ALS2CL: variants seen among roughly 807,000 people sequenced by gnomAD.
The protein encoded by ALS2CL is ALS2 C-terminal-like protein.
In ALS2CL, 112 loss-of-function variants were observed where a neutral mutation model predicts 127.9. That is an observed-to-expected ratio of 0.88 (90% CI 0.75 to 1.02). The LOEUF is 1.02. Ranked by LOEUF, ALS2CL falls within the 50% of genes least tolerant of loss-of-function variation. ALS2CL has a pLI of 0.00. For synonymous variants in ALS2CL, 519 were observed against 527.6 expected, an observed-to-expected ratio of 0.98 and a Z score of 0.22; for missense variants, 1,174 against 1,236.7, an observed-to-expected ratio of 0.95 and a Z score of 0.76.
intron 14 of ALS2CL, chr3:46,679,790 G>A (rs865820835): frequency 6.5e-6 from 1 of 154,878 alleles, no homozygotes; most frequent in South Asian, 2.0e-4. Context: ...TTTCGAGAAT[G>A]AAGTAGAGCA....
chr3:46,676,331 G>A lies in ALS2CL; in HGVS notation c.2100C>T (p.Tyr700=), dbSNP rs777723802. The A allele has an allele frequency of 5.6e-5, 91 of 1,613,766 alleles. No homozygotes were observed. Among genetic ancestry groups the A allele is most frequent in the Non-Finnish European group, 6.9e-5 (82 of 1,179,994 alleles). ...RTLMLTFQAT[Y]AGVGANKHLQ... is the part of the protein sequence containing the mutation. ...GGTGCTTGTTGGCCCCGACACCTGC[G>A]TAGGTAGCCTGGAAGGTCAGCATCA... The change falls in exon 19 of 26, where the codon TAC becomes TAT. Residue 700 remains tyrosine, a synonymous_variant. Coordinates refer to ENST00000318962, the MANE Select transcript of ALS2CL (RefSeq NM_147129.5).
chr3:46,672,815 T>C (rs1285209500), intron 22 of ALS2CL, among the ~76,000 whole-genome samples: 1 of 151,998 alleles, frequency 6.6e-6, no homozygotes, highest in East Asian at 1.9e-4. Flanking sequence ...GCCAACATGG[T>C]GAAATCCTGT....
In ALS2CL at chr3:46,670,847, A is replaced by C. The variant is rs888462966; in HGVS notation, c.*137T>G. The stretch of plus-strand genomic sequence containing the variant: ...TCATCCCAGTCAGGGCAGCAGCAGC[A>C]TCTTCCTGTGCAAAACAAAATGCTC... On this transcript the variant is annotated 3_prime_UTR_variant, in exon 26 of 26. Coordinates refer to ENST00000318962, the MANE Select transcript of ALS2CL (RefSeq NM_147129.5). The surrounding 1 kb of genome is among the most constrained non-coding windows in gnomAD (Gnocchi z 5.5). The C allele has an allele frequency of 1.1e-6, 1 of 879,692 alleles. No homozygotes were observed. The highest frequency in any genetic ancestry group is 1.6e-5 in the African/African-American group (1 of 60,652). The allele number at this position is 879,692 out of a possible 1,614,324, so 54.5% of individuals were successfully genotyped here. A position where few individuals can be genotyped will look rare whatever the true frequency, so the allele number is the denominator to read the frequency against.
At position 46,684,160 on chromosome 3, in the gene ALS2CL, C is replaced by A; in HGVS notation, c.787-113G>T. 2.4e-6 allele frequency: 3 copies of A among 1,228,690 alleles called. No homozygotes were observed. The South Asian group carries it at 3.9e-5, about 16-fold the overall frequency. 76.1% of individuals were successfully genotyped at this position (1,228,690 alleles called of 1,614,324 possible). A position where few individuals can be genotyped will look rare whatever the true frequency, so the allele number is the denominator to read the frequency against. ...TGTGTGGCCACCAAGGCTATTCTGC[C>A]CAGCATGTCCAGGACTGAGTCCCTC... On this transcript the variant is annotated intron_variant, in intron 7 of 25. Coordinates refer to ENST00000318962, the MANE Select transcript of ALS2CL (RefSeq NM_147129.5).
rs374844752 is a variant in ALS2CL, at chr3:46,687,022, G to T, written c.495C>A (p.Tyr165Ter). 1.2e-6 allele frequency: 2 copies of T among 1,605,340 alleles called. No homozygotes were observed. Among genetic ancestry groups the T allele is most frequent in the Non-Finnish European group, 1.7e-6 (2 of 1,179,162 alleles). ...CCCCGAGGCTCAGCAGGAGGAGCAC[G>T]TACTGTTGCACGTGATGGGCGAGTG... is the stretch of plus-strand genomic sequence containing the variant. The part of the protein sequence containing the change: ...HQPLAHHVQQ[Y>*]VLLLLSLGDT... Residue 165 changes from tyrosine (Y) to a stop codon, truncating the protein, a stop_gained, in exon 5 of 26, where the codon TAC (tyrosine) becomes TAA (stop). Coordinates refer to ENST00000318962, the MANE Select transcript of ALS2CL (RefSeq NM_147129.5). LOFTEE classifies it high-confidence loss of function.
At chr3:46,680,394 C>T in intron 14 of ALS2CL, 36 bp downstream of exon 14, 4 of 1,590,804 alleles carry the variant, frequency 2.5e-6, no homozygotes, top group Non-Finnish European at 2.6e-6. Flanking sequence ...GAGTGGGGTG[C>T]AAAGAGAGGG....
intron 1 of ALS2CL, among the ~76,000 whole-genome samples, chr3:46,690,836 C>T (rs1700107080): frequency 1.3e-5 from 2 of 152,332 alleles, no homozygotes; most frequent in Admixed American, 1.3e-4. Context: ...CCACCCTGCC[C>T]CGAGAGTGCC....
At position 46,670,906 on chromosome 3, in the gene ALS2CL, C is replaced by A. The variant is rs2106676301; in HGVS notation, c.*78G>T. On this transcript the variant is annotated 3_prime_UTR_variant, in exon 26 of 26. Transcript: ENST00000318962. The surrounding 1 kb of genome is among the most constrained non-coding windows in gnomAD (Gnocchi z 5.5). ...CAAGAGCTGCTTCTGAGGGCCTGTC[C>A]TGCCCCTTGCCTTGGGTAATGAGGG... 1 of 1,456,692 alleles carries A rather than the reference C, an allele frequency of 6.9e-7. No individual in the cohort carries two copies. 90.2% of individuals were successfully genotyped at this position (1,456,692 alleles called of 1,614,324 possible).
intron 1 of ALS2CL, among the ~76,000 whole-genome samples, chr3:46,692,254 G>T (rs1393400919): frequency 6.6e-6 from 1 of 152,146 alleles, no homozygotes; most frequent in Non-Finnish European, 1.5e-5. Context: ...TAAGTGCAGG[G>T]GTGAGGCAGC....
At position 46,684,132 on chromosome 3, in the gene ALS2CL, C is replaced by G. The variant is rs1032895686; in HGVS notation, c.787-85G>C. The G allele has an allele frequency of 5.8e-5, 84 of 1,452,482 alleles. No individual in the cohort carries two copies. In the East Asian group the frequency reaches 2.1e-3, roughly 36 times the overall value. The allele number at this position is 1,452,482 out of a possible 1,614,324, so 90.0% of individuals were successfully genotyped here. A position where few individuals can be genotyped will look rare whatever the true frequency, so the allele number is the denominator to read the frequency against. Reference sequence around the variant, plus strand: ...TGGCCAAGGCTTGCCCCAAGCTCAACCTTGTGTGGCCACCAAGGCTATTCT... The same window carrying G: ...TGGCCAAGGCTTGCCCCAAGCTCAAGCTTGTGTGGCCACCAAGGCTATTCT... On this transcript the variant is annotated intron_variant, in intron 7 of 25. Transcript: ENST00000318962.
chr3:46,676,838 G>T lies in ALS2CL; in HGVS notation c.1931+11C>A. 1 of 1,409,172 alleles carries T rather than the reference G, an allele frequency of 7.1e-7. No homozygotes were observed. The highest frequency in any genetic ancestry group is 3.7e-5 in the East Asian group (1 of 27,046). 87.3% of individuals were successfully genotyped at this position (1,409,172 alleles called of 1,614,324 possible). A position where few individuals can be genotyped will look rare whatever the true frequency, so the allele number is the denominator to read the frequency against. ...ACCCTAACCTGTGCATGCTCACACAGCCGGCCTCACCTCTCGCAGGACAGG... is the reference window on the plus strand; with the variant it reads ...ACCCTAACCTGTGCATGCTCACACATCCGGCCTCACCTCTCGCAGGACAGG... On this transcript the variant is annotated intron_variant, in intron 17 of 25. Coordinates refer to ENST00000318962, the MANE Select transcript of ALS2CL (RefSeq NM_147129.5).
rs774141282 is a variant in ALS2CL at position 46,671,966 on chromosome 3, C to G, written c.2602G>C (p.Val868Leu). Residue 868 changes from valine to leucine, a missense_variant, in exon 24 of 26, where the codon GTG (valine) becomes CTG (leucine). Coordinates refer to ENST00000318962, the MANE Select transcript of ALS2CL (RefSeq NM_147129.5). ...TACTCCCGGCCCAATACCCTCGACA[C>G]CGTGCCCTCAATTTCCCCGTATGTC... Reference protein sequence around the residue: ...ERTYGEIEGTVSRVLGREYKL... With the variant: ...ERTYGEIEGTLSRVLGREYKL... 1 of 1,613,924 alleles carries G rather than the reference C, an allele frequency of 6.2e-7. No individual in the cohort carries two copies. Among genetic ancestry groups the G allele is most frequent in the Admixed American group, 1.7e-5 (1 of 60,006 alleles).
chr3:46,682,840 G>C (rs1699459171), intron 10 of ALS2CL, among the ~76,000 whole-genome samples: 1 of 152,236 alleles, frequency 6.6e-6, no homozygotes, highest in South Asian at 2.1e-4. Flanking sequence ...ACAGATGTGA[G>C]AATTATTCTC....
Position 46,678,309 on chromosome 3 carries a change from A to T in ALS2CL, c.1707T>A (p.Gly569=). 6.2e-7 allele frequency: 1 copy of T among 1,611,166 alleles called. No individual in the cohort carries two copies. The highest frequency in any genetic ancestry group is 8.5e-7 in the Non-Finnish European group (1 of 1,178,084). The change falls in exon 16 of 26, where the codon GGT becomes GGA. Residue 569 remains glycine (G), a synonymous_variant. Coordinates refer to ENST00000318962, the MANE Select transcript of ALS2CL (RefSeq NM_147129.5). ...GTGGGAGGGCAGCCGTGTCCAGCAC[A>T]CCCTGTGTGTGCAGTCCTCTCCCTG... ...SGAGRGLHTQ[G]VLDTAALPPD...
At chr3:46,683,685 G>A (rs1699542255) in intron 9 of ALS2CL, 97 bp downstream of exon 9, 2 of 1,460,278 alleles carry the variant, frequency 1.4e-6, no homozygotes, top group Non-Finnish European at 1.9e-6. Flanking sequence ...ACACTCGCCG[G>A]CACTCCTGTG....
chr3:46,671,132 G>C (rs1423197700), intron 25 of ALS2CL, 68 bp from the exon 26 acceptor site: 16 of 1,497,614 alleles, frequency 1.1e-5, no homozygotes, highest in Admixed American at 1.7e-5. Flanking sequence ...ACAGGATCTA[G>C]GGCTCAATAG....
Position 46,670,843 on chromosome 3 carries a change from C to T in ALS2CL, c.*141G>A. 2.4e-6 allele frequency: 2 copies of T among 842,394 alleles called. No individual in the cohort carries two copies. The highest frequency in any genetic ancestry group is 3.8e-6 in the Non-Finnish European group (2 of 521,700). The allele number at this position is 842,394 out of a possible 1,614,324, so 52.2% of individuals were successfully genotyped here. ...ACCCTCATCCCAGTCAGGGCAGCAGCAGCATCTTCCTGTGCAAAACAAAAT... is the reference window on the plus strand; with the variant it reads ...ACCCTCATCCCAGTCAGGGCAGCAGTAGCATCTTCCTGTGCAAAACAAAAT... On this transcript the variant is annotated 3_prime_UTR_variant, in exon 26 of 26. Transcript: ENST00000318962. This position sits in a 1 kb window ranked among gnomAD's most constrained non-coding sequence, Gnocchi z 5.5.
rs891486367 is a variant in ALS2CL at position 46,683,178 on chromosome 3, C to T, written c.1061G>A (p.Cys354Tyr). ...EYTFQAEGRL[C>Y]QATYEGEWCR... ...CCACTCGCCCTCGTAGGTGGCCTGG[C>T]AGAGCCGGCCCTCTGCCTGGAAGGT... The change falls in exon 10 of 26, where the codon TGC becomes TAC. Residue 354 changes from cysteine (C) to tyrosine (Y), a missense_variant. Transcript: ENST00000318962. The T allele has an allele frequency of 1.2e-6, 2 of 1,603,888 alleles. No individual in the cohort carries two copies. The highest frequency in any genetic ancestry group is 1.7e-4 in the Middle Eastern group (1 of 5,846).
chr3:46,678,381 G>T lies in ALS2CL; in HGVS notation c.1635C>A (p.Val545=), dbSNP rs766096985. 4.3e-6 allele frequency: 7 copies of T among 1,611,994 alleles called. No individual in the cohort carries two copies. Among genetic ancestry groups the T allele is most frequent in the Non-Finnish European group, 1.7e-6 (2 of 1,178,798 alleles). The change falls in exon 16 of 26, where the codon GTC becomes GTA. Residue 545 remains valine, a synonymous_variant. Transcript: ENST00000318962. ...RDLTLMGKGK[V]TFPNGFTLEG... is the part of the protein sequence containing the mutation. ...CCAGGGTGAAGCCATTGGGGAAGGT[G>T]ACCTTGCCCTGGGAGCCAGGAGAAG...
Sources: allele counts gnomAD v4.1 joint callset (sites outside exome capture counted in the v4.1 genomes callset), GRCh38; gene constraint gnomAD v4.1.1; non-coding constraint Gnocchi (gnomAD v3.1); transcripts MANE v1.5; gene names NCBI Gene and HGNC (gene_info 2026-07-23, HGNC 2026-07-21).